The following ARHGAP15 variants were observed in gnomAD, a reference collection of about 807,000 sequenced individuals.
The protein encoded by ARHGAP15 is rho GTPase-activating protein 15.
A neutral mutation model predicts 63.7 loss-of-function variants in ARHGAP15; 51 were observed. The ratio of observed to expected loss-of-function variants is 0.80; its 90% CI spans 0.64 to 1.01. ARHGAP15 has a LOEUF of 1.01. Among genes scored for constraint, ARHGAP15 ranks in the 50% least tolerant of loss-of-function variants. ARHGAP15 has a pLI of 0.00. For synonymous variants in ARHGAP15, 191 were observed against 193.8 expected (o/e 0.99, Z 0.12); for missense variants, 560 against 564.6 (o/e 0.99, Z 0.08).
At chr2:143,148,808 A>G (rs1485286390) in intron 1 of ARHGAP15, among the ~76,000 whole-genome samples, 1 of 152,072 alleles carries the variant, frequency 6.6e-6, no homozygotes, top group African/African-American at 2.4e-5. Context: ...CTCAGCTTAC[A>G]GAGTGGTCGG....
chr2:143,605,960 T>G (rs1299022068), intron 11 of ARHGAP15, among the ~76,000 whole-genome samples: 1 of 136,062 alleles, frequency 7.3e-6, no homozygotes, highest in Non-Finnish European at 1.5e-5. Flanking sequence ...TGCTTGAAAC[T>G]GGCAGGCAGG....
chr2:143,312,072 G>T (rs1574255141), intron 6 of ARHGAP15, among the ~76,000 whole-genome samples: 1 of 152,092 alleles, frequency 6.6e-6, no homozygotes. Flanking sequence ...GTAAAATTTG[G>T]TGGAGGAAAC....
At chr2:143,632,212 C>T (rs1680072244) in intron 12 of ARHGAP15, among the ~76,000 whole-genome samples, 1 of 151,974 alleles carries the variant, frequency 6.6e-6, no homozygotes, top group African/African-American at 2.4e-5. Flanking sequence ...ATACATTTTC[C>T]ATTATTAGAA....
intron 13 of ARHGAP15, among the ~76,000 whole-genome samples, chr2:143,765,162 G>C (rs1199159768): frequency 1.3e-5 from 2 of 148,610 alleles, no homozygotes; most frequent in Non-Finnish European, 3.0e-5. Context: ...AATTAATGAA[G>C]GAGTTCCCAT....
chr2:143,680,606 C>A (rs1683056251), intron 12 of ARHGAP15, among the ~76,000 whole-genome samples: 3 of 152,172 alleles, frequency 2.0e-5, no homozygotes, highest in Admixed American at 2.0e-4. Context: ...CTCCATGGCC[C>A]TTGCATTTAC....
In ARHGAP15 at chr2:143,436,893, T is replaced by C. The variant is rs1305745850; in HGVS notation, c.574-20T>C. ...TTCTTTCTAGTAAAATTATTCAGTC[T>C]AATTATTTGCTGTTTCCAGCCAAAG... On this transcript the variant is annotated intron_variant, in intron 7 of 13. Coordinates refer to ENST00000295095, the MANE Select transcript of ARHGAP15 (RefSeq NM_018460.4). The C allele has an allele frequency of 1.2e-6, 2 of 1,601,700 alleles. No homozygotes were observed. Among genetic ancestry groups the C allele is most frequent in the Non-Finnish European group, 8.5e-7 (1 of 1,176,578 alleles).
At chr2:143,652,205 A>G (rs1202647873) in intron 12 of ARHGAP15, among the ~76,000 whole-genome samples, 1 of 151,900 alleles carries the variant, frequency 6.6e-6, no homozygotes, top group Non-Finnish European at 1.5e-5. Flanking sequence ...CAGCAATTAT[A>G]TTTTTCCTGT....
At chr2:143,202,312 G>C in intron 3 of ARHGAP15, 110 bp downstream of exon 3, 1 of 863,640 alleles carries the variant, frequency 1.2e-6, no homozygotes, top group South Asian at 1.4e-5. Flanking sequence ...TGTGGGTCAG[G>C]AATCAGGGCA....
intron 13 of ARHGAP15, among the ~76,000 whole-genome samples, chr2:143,754,669 G>T (rs551202069): frequency 6.6e-6 from 1 of 152,184 alleles, no homozygotes; most frequent in Admixed American, 6.5e-5. Flanking sequence ...CCCAGGGAAC[G>T]GGATTAGCAA....
At chr2:143,386,795 A>G (rs1251891983) in intron 6 of ARHGAP15, among the ~76,000 whole-genome samples, 2 of 152,074 alleles carry the variant, frequency 1.3e-5, no homozygotes, top group African/African-American at 4.8e-5. Flanking sequence ...GTTATAAAAC[A>G]TTAATTCCTT....
chr2:143,455,160 T>A (rs926461334), intron 8 of ARHGAP15, among the ~76,000 whole-genome samples: 1 of 151,950 alleles, frequency 6.6e-6, no homozygotes, highest in African/African-American at 2.4e-5. Context: ...GGTTGGCTAT[T>A]TTTATTGTCG....
intron 2 of ARHGAP15, among the ~76,000 whole-genome samples, chr2:143,190,410 A>G (rs1458781373): frequency 6.6e-6 from 1 of 152,050 alleles, no homozygotes; most frequent in African/African-American, 2.4e-5. Flanking sequence ...GACTCCTCCA[A>G]TTTTCTGGAT....
intron 4 of ARHGAP15, among the ~76,000 whole-genome samples, chr2:143,224,658 TA>T (rs1352298602): frequency 3.3e-5 from 5 of 152,182 alleles, no homozygotes; most frequent in Admixed American, 3.3e-4. Context: ...ATATATTGAA[TA>T]AGGGTCATAT....
chr2:143,235,240 T>TTA (rs1357770508), intron 5 of ARHGAP15, among the ~76,000 whole-genome samples: 1 of 146,090 alleles, frequency 6.8e-6, no homozygotes, highest in African/African-American at 2.6e-5. Flanking sequence ...CATAGTAGAG[T>TTA]TGTTTTTTTT....
chr2:143,554,283 A>C (rs1695694620), intron 10 of ARHGAP15, among the ~76,000 whole-genome samples: 1 of 152,168 alleles, frequency 6.6e-6, no homozygotes, highest in Non-Finnish European at 1.5e-5. Context: ...AATCAGGGCC[A>C]CATTCATTTG....
chr2:143,679,584 T>A (rs1165686307), intron 12 of ARHGAP15, among the ~76,000 whole-genome samples: 2 of 152,118 alleles, frequency 1.3e-5, no homozygotes, highest in African/African-American at 4.8e-5. Context: ...CAGAAAAGCA[T>A]GAAGATTCCT....
intron 10 of ARHGAP15, among the ~76,000 whole-genome samples, chr2:143,547,752 ATATCC>A (rs1695393721): frequency 1.3e-5 from 2 of 151,306 alleles, no homozygotes; most frequent in African/African-American, 2.4e-5. Flanking sequence ...GAAATGTCTG[ATATCC>A]TACTTAACAT....
At chr2:143,554,493 G>C (rs1300777058) in intron 10 of ARHGAP15, among the ~76,000 whole-genome samples, 1 of 152,000 alleles carries the variant, frequency 6.6e-6, no homozygotes, top group African/African-American at 2.4e-5. Flanking sequence ...TTCCTCAGTA[G>C]CTATATGCTC....
At chr2:143,672,687 C>A (rs74942677) in intron 12 of ARHGAP15, among the ~76,000 whole-genome samples, 2 of 152,034 alleles carry the variant, frequency 1.3e-5, no homozygotes, top group South Asian at 2.1e-4. Flanking sequence ...TGCCTTGGAA[C>A]CTTGTCACAC....
Sources: gnomAD v4.1 joint callset for allele counts (sites outside exome capture counted in the v4.1 genomes callset) on GRCh38, gnomAD v4.1.1 for gene constraint, MANE v1.5 for transcripts, NCBI Gene and HGNC (gene_info 2026-07-23, HGNC 2026-07-21) for gene names.